The following TCF4 variants were observed in gnomAD, a reference collection of about 807,000 sequenced individuals.
TCF4 encodes SL3-3 enhancer factor 2.
In TCF4, 3 loss-of-function variants were observed where a neutral mutation model predicts 82.1. The observed-to-expected ratio is 0.04, with a 90% CI of 0.02 to 0.09. The LOEUF is 0.09. Ranked by LOEUF, TCF4 falls within the 10% of genes least tolerant of loss-of-function variation. The pLI is 1.00. For synonymous variants in TCF4, 276 were observed against 309.6 expected (o/e 0.89, Z 1.14); for missense variants, 518 against 852.7 (o/e 0.61, Z 4.89).
chr18:55,510,899 T>C, intron 3 of TCF4: 1 of 501,966 alleles, frequency 2.0e-6, no homozygotes, highest in African/African-American at 2.0e-5. Context: ...AAATAAAATA[T>C]GAATCAACAA....
At chr18:55,607,370 T>G (rs1261014477) in intron 2 of TCF4, among the ~76,000 whole-genome samples, 1 of 152,198 alleles carries the variant, frequency 6.6e-6, no homozygotes, top group Non-Finnish European at 1.5e-5. Context: ...CAACAAATTA[T>G]GAGAAAAAGG....
At chr18:55,260,318 A>G (rs949521846) in intron 12 of TCF4, among the ~76,000 whole-genome samples, 2 of 152,206 alleles carry the variant, frequency 1.3e-5, no homozygotes, top group African/African-American at 4.8e-5. Context: ...TGGGCAAGCC[A>G]AGCAGATACT....
chr18:55,511,331 T>TAAAAAAAAAAAAAAAA (rs59685050), intron 3 of TCF4, among the ~76,000 whole-genome samples: 5 of 131,398 alleles, frequency 3.8e-5, no homozygotes, highest in African/African-American at 5.5e-5. Flanking sequence ...TCCAAAAGTT[T>TAAAAAAAAAAAAAAAA]AAAAAAAAAA....
chr18:55,234,316 T>G, intron 16 of TCF4: 1 of 624,110 alleles, frequency 1.6e-6, no homozygotes. Flanking sequence ...CCTCATTCCC[T>G]GCTGATATAG....
At chr18:55,492,815 C>T (rs1243526466) in intron 3 of TCF4, among the ~76,000 whole-genome samples, 1 of 152,194 alleles carries the variant, frequency 6.6e-6, no homozygotes, top group African/African-American at 2.4e-5. Flanking sequence ...ATCTGCTTCA[C>T]TCATTCATAC....
Position 55,338,896 on chromosome 18 carries a change from C to T in TCF4, c.549+11463G>A, listed in dbSNP as rs183538702. Among the ~76,000 whole-genome samples, 5 of 152,320 alleles carry T rather than the reference C, an allele frequency of 3.3e-5. No homozygotes were observed. The East Asian group carries it at 9.6e-4, about 29-fold the overall frequency. On this transcript the variant is annotated intron_variant, in intron 8 of 19. Coordinates refer to ENST00000354452, the MANE Select transcript of TCF4 (RefSeq NM_001083962.2). ...TTCAAAAGTCTGAGAGTACCCTGGG[C>T]ATCTTTAATTTTTACAGGTGACTCA...
At chr18:55,482,580 G>T (rs747654939) in intron 3 of TCF4, 4 of 152,170 alleles carry the variant, frequency 2.6e-5, no homozygotes, top group African/African-American at 9.7e-5. Flanking sequence ...TGCTTAAGAG[G>T]TCTTTGTGAA....
chr18:55,417,106 G>A (rs1415652630), intron 5 of TCF4, among the ~76,000 whole-genome samples: 1 of 152,220 alleles, frequency 6.6e-6, no homozygotes, highest in African/African-American at 2.4e-5. Context: ...CACAATTAAG[G>A]AGTTTGGCTA....
At chr18:55,283,138 T>C (rs2062958088) in intron 8 of TCF4, among the ~76,000 whole-genome samples, 1 of 151,812 alleles carries the variant, frequency 6.6e-6, no homozygotes, top group South Asian at 2.1e-4. Flanking sequence ...TAGATAACAC[T>C]GAACCTTGAA....
intron 6 of TCF4, among the ~76,000 whole-genome samples, chr18:55,398,142 C>T (rs2093607243): frequency 6.6e-6 from 1 of 152,148 alleles, no homozygotes; most frequent in African/African-American, 2.4e-5. Context: ...ATAAGTATTT[C>T]TTAACCAATG....
At chr18:55,447,452 G>A (rs2095546286) in intron 5 of TCF4, among the ~76,000 whole-genome samples, 1 of 152,006 alleles carries the variant, frequency 6.6e-6, no homozygotes, top group Non-Finnish European at 1.5e-5. Context: ...TTAGGATGTG[G>A]GCCAAGTTGA....
intron 3 of TCF4, among the ~76,000 whole-genome samples, chr18:55,539,858 A>C (rs761111057): frequency 1.3e-5 from 2 of 152,172 alleles, no homozygotes; most frequent in Non-Finnish European, 2.9e-5. Context: ...AGACCAATGA[A>C]AGCTAGGTAA....
chr18:55,500,087 C>T (rs1319277165), intron 3 of TCF4, among the ~76,000 whole-genome samples: 1 of 152,104 alleles, frequency 6.6e-6, no homozygotes, highest in African/African-American at 2.4e-5. Context: ...GAGGCTGAGG[C>T]AGGAGAATTG....
chr18:55,417,731 G>T (rs1211524537), intron 5 of TCF4, among the ~76,000 whole-genome samples: 2 of 152,132 alleles, frequency 1.3e-5, no homozygotes, highest in Non-Finnish European at 2.9e-5. Context: ...GTAATGTAAA[G>T]ATTTGTACTT....
At chr18:55,497,829 A>C (rs1289526467) in intron 3 of TCF4, among the ~76,000 whole-genome samples, 3 of 152,220 alleles carry the variant, frequency 2.0e-5, no homozygotes, top group Non-Finnish European at 4.4e-5. Flanking sequence ...TAAAGTATCC[A>C]TTAACTAAAG....
chr18:55,510,740 G>C, intron 3 of TCF4: 1 of 1,350,168 alleles, frequency 7.4e-7, no homozygotes, highest in South Asian at 1.9e-5. Flanking sequence ...TTACTCTCCT[G>C]TGCTCCATGG....
At chr18:55,462,692 G>A (rs915111017) in intron 4 of TCF4, among the ~76,000 whole-genome samples, 2 of 152,182 alleles carry the variant, frequency 1.3e-5, no homozygotes, top group Non-Finnish European at 2.9e-5. Flanking sequence ...ATAAGAAATT[G>A]TGAAAATCTG....
chr18:55,571,959 G>A (rs779125084), intron 3 of TCF4, among the ~76,000 whole-genome samples: 9 of 151,234 alleles, frequency 6.0e-5, no homozygotes, highest in South Asian at 2.1e-4. Context: ...AGTTCATTTC[G>A]TTTTAACTAA....
chr18:55,517,010 T>C (rs1253381573), intron 3 of TCF4, among the ~76,000 whole-genome samples: 3 of 152,178 alleles, frequency 2.0e-5, no homozygotes, highest in Admixed American at 6.5e-5. Flanking sequence ...AGCAGACTAT[T>C]ACCAGAGTGC....
Sources: gnomAD v4.1 joint callset for allele counts (sites outside exome capture counted in the v4.1 genomes callset) on GRCh38, gnomAD v4.1.1 for gene constraint, MANE v1.5 for transcripts, NCBI Gene and HGNC (gene_info 2026-07-23, HGNC 2026-07-21) for gene names.